Variants in SLC2A12 observed in about 807,000 individuals in gnomAD.
SLC2A12 encodes solute carrier family 2, facilitated glucose transporter member 12.
SLC2A12 carries 23 observed loss-of-function variants against 41.8 expected under a neutral mutation model. That is an observed-to-expected ratio of 0.55 (90% CI 0.40 to 0.78). The LOEUF (loss-of-function observed/expected upper bound fraction) is 0.78. Ranked by LOEUF, SLC2A12 falls within the 30% of genes least tolerant of loss-of-function variation. The probability of loss-of-function intolerance (pLI) is 0.00; values close to 1 mark genes in which losing one functional copy is unlikely to be tolerated. For missense variants in SLC2A12, 654 were observed against 745.6 expected, an observed-to-expected ratio of 0.88 and a Z score of 1.43; for synonymous variants, 295 against 285.9, an observed-to-expected ratio of 1.03 and a Z score of -0.32.
At chr6:134,038,700 CTTTTTTTTTTTTTT>C (rs200794350) in intron 1 of SLC2A12, among the ~76,000 whole-genome samples, 1 of 82,128 alleles carries the variant, frequency 1.2e-5, no homozygotes, top group Non-Finnish European at 2.2e-5. Context: ...CCTTTCTTTC[CTTTTTTTTTTTTTT>C]TTTTTTTTTT....
At chr6:134,039,341 G>A (rs1777349182) in intron 1 of SLC2A12, among the ~76,000 whole-genome samples, 1 of 152,110 alleles carries the variant, frequency 6.6e-6, no homozygotes, top group African/African-American at 2.4e-5. Flanking sequence ...TTCTCAGCAA[G>A]CTCTATCTTC....
chr6:134,045,450 G>GA (rs970271006), intron 1 of SLC2A12, among the ~76,000 whole-genome samples: 1 of 152,180 alleles, frequency 6.6e-6, no homozygotes, highest in African/African-American at 2.4e-5. Context: ...GCTTGAAGGT[G>GA]AAGAACAGTG....
chr6:133,994,564 A>G (rs1393669629), intron 4 of SLC2A12, among the ~76,000 whole-genome samples: 1 of 152,102 alleles, frequency 6.6e-6, no homozygotes, highest in Middle Eastern at 3.2e-3. Context: ...CGTCTCTACT[A>G]AAAATACAAA....
At chr6:134,032,426 TTATATATATATATATA>T (rs1210191475) in intron 1 of SLC2A12, among the ~76,000 whole-genome samples, 1 of 35,506 alleles carries the variant, frequency 2.8e-5, no homozygotes, top group Non-Finnish European at 5.8e-5. Context: ...ATATATATAT[TTATATATATATATATA>T]TATATAAATA....
At chr6:133,998,169 C>T (rs1486712008) in intron 4 of SLC2A12, among the ~76,000 whole-genome samples, 5 of 152,162 alleles carry the variant, frequency 3.3e-5, no homozygotes, top group Admixed American at 6.5e-5. Flanking sequence ...TAGACAGATT[C>T]TTTCCCCACC....
chr6:134,025,288 CAT>C (rs1450499403), intron 2 of SLC2A12, among the ~76,000 whole-genome samples: 2 of 152,124 alleles, frequency 1.3e-5, no homozygotes, highest in African/African-American at 4.8e-5. Flanking sequence ...GAAGATAAAA[CAT>C]GTTTTCATTT....
intron 1 of SLC2A12, among the ~76,000 whole-genome samples, chr6:134,032,602 C>T (rs939263572): frequency 3.4e-5 from 5 of 146,222 alleles, no homozygotes; most frequent in Admixed American, 6.9e-5. Context: ...CTATTATATG[C>T]TTTAAGGGAC....
At chr6:134,023,711 CTCT>C (rs1250086171) in intron 2 of SLC2A12, among the ~76,000 whole-genome samples, 6 of 152,240 alleles carry the variant, frequency 3.9e-5, no homozygotes, top group Non-Finnish European at 7.4e-5. Context: ...ATGACCTCAC[CTCT>C]TATTTTAGAT....
intron 4 of SLC2A12, among the ~76,000 whole-genome samples, chr6:134,001,771 AG>A (rs1776756473): frequency 6.6e-6 from 1 of 151,842 alleles, no homozygotes; most frequent in African/African-American, 2.4e-5. Flanking sequence ...AAAAAAAAAA[AG>A]CTTCATTCAT....
At chr6:134,021,024 C>A (rs1777033501) in intron 2 of SLC2A12, among the ~76,000 whole-genome samples, 1 of 152,198 alleles carries the variant, frequency 6.6e-6, no homozygotes, top group South Asian at 2.1e-4. Flanking sequence ...GCCTAAATAT[C>A]TCCCGCTAAT....
rs562698952 is a variant in SLC2A12, at chr6:133,989,204, T to C, written c.*1951A>G. 5 of 152,172 alleles carry C rather than the reference T, an allele frequency of 3.3e-5. No homozygotes were observed. In the South Asian group the frequency reaches 6.2e-4, roughly 19 times the overall value. 9.4% of individuals were successfully genotyped at this position (152,172 alleles called of 1,614,324 possible). On this transcript the variant is annotated 3_prime_UTR_variant, in exon 5 of 5. Transcript: ENST00000275230. ...AAGTACTGTAAATTTTTTTTATAAATAAAAACTGTGAATATATATGTACAA... is the reference window on the plus strand; with the variant it reads ...AAGTACTGTAAATTTTTTTTATAAACAAAAACTGTGAATATATATGTACAA...
chr6:134,000,007 G>T (rs1389217958), intron 4 of SLC2A12, among the ~76,000 whole-genome samples: 1 of 152,134 alleles, frequency 6.6e-6, no homozygotes, highest in Non-Finnish European at 1.5e-5. Flanking sequence ...TTTAAATCGT[G>T]TTTGTAATTG....
intron 2 of SLC2A12, 79 bp from the exon 3 acceptor site, chr6:134,007,013 T>C: frequency 6.3e-7 from 1 of 1,586,256 alleles, no homozygotes; most frequent in South Asian, 1.1e-5. Context: ...CACCCTGATC[T>C]CTCCCTGCCC....
intron 4 of SLC2A12, among the ~76,000 whole-genome samples, chr6:133,997,083 TACA>T (rs1776704899): frequency 9.3e-4 from 12 of 12,920 alleles, no homozygotes; most frequent in African/African-American, 2.0e-3. Context: ...CTACTAAAAA[TACA>T]AAAAAAAAAA....
At chr6:134,010,599 G>A (rs2811673) in intron 2 of SLC2A12, among the ~76,000 whole-genome samples, 5 of 152,180 alleles carry the variant, frequency 3.3e-5, no homozygotes, top group African/African-American at 1.2e-4. Context: ...TGCAATAATG[G>A]AGGAAGTTTT....
Position 134,028,856 on chromosome 6 carries a change from A to C in SLC2A12, c.969T>G (p.Val323=). 6.2e-7 allele frequency: 1 copy of C among 1,614,230 alleles called. No homozygotes were observed. Among genetic ancestry groups the C allele is most frequent in the Non-Finnish European group, 8.5e-7 (1 of 1,180,040 alleles). The change falls in exon 2 of 5, where the codon GTT becomes GTG. Residue 323 remains valine (V), a synonymous_variant. Transcript: ENST00000275230. ...TGGTGCTAATGACCTTGACGACTCCAACCCCAGTGGAGGCGAGGCTAGCTG... is the reference window on the plus strand; with the variant it reads ...TGGTGCTAATGACCTTGACGACTCCCACCCCAGTGGAGGCGAGGCTAGCTG... ...NEAASLASTG[V]GVVKVISTIP...
At chr6:134,050,089 A>G (rs984648025) in intron 1 of SLC2A12, among the ~76,000 whole-genome samples, 42 of 152,340 alleles carry the variant, frequency 2.8e-4, no homozygotes, top group African/African-American at 1.0e-3. Context: ...TACCTCATTA[A>G]ATCTCAACAC....
intron 4 of SLC2A12, among the ~76,000 whole-genome samples, chr6:134,000,860 T>G (rs1346093828): frequency 6.6e-6 from 1 of 152,216 alleles, no homozygotes; most frequent in African/African-American, 2.4e-5. Flanking sequence ...TAAAATTACC[T>G]TAAATGTGCA....
chr6:134,032,468 TTATA>T (rs1195287632), intron 1 of SLC2A12, among the ~76,000 whole-genome samples: 1 of 34,300 alleles, frequency 2.9e-5, no homozygotes, highest in Non-Finnish European at 5.7e-5. Context: ...ATATATATTT[TTATA>T]TATATATATA....
Sources: gnomAD v4.1 joint callset for allele counts (sites outside exome capture counted in the v4.1 genomes callset) on GRCh38, gnomAD v4.1.1 for gene constraint, MANE v1.5 for transcripts, NCBI Gene and HGNC (gene_info 2026-07-23, HGNC 2026-07-21) for gene names.